The following THOC5 variants were observed in gnomAD, a reference collection of about 807,000 sequenced individuals.
THOC5 encodes the protein THO complex subunit 5.
A neutral mutation model predicts 92.9 loss-of-function variants in THOC5; 43 were observed. That is an observed-to-expected ratio of 0.46 (90% CI 0.36 to 0.60). THOC5 has a LOEUF of 0.60. Among genes scored for constraint, THOC5 ranks in the 20% least tolerant of loss-of-function variants. The probability of loss-of-function intolerance (pLI) is 0.00; values close to 1 mark genes in which losing one functional copy is unlikely to be tolerated. For synonymous variants in THOC5, 296 were observed against 320.1 expected, an observed-to-expected ratio of 0.92 and a Z score of 0.80; for missense variants, 659 against 849.4, an observed-to-expected ratio of 0.78 and a Z score of 2.79.
chr22:29,530,770 G>A (rs976821892), intron 8 of THOC5, among the ~76,000 whole-genome samples: 6 of 152,120 alleles, frequency 3.9e-5, no homozygotes, highest in African/African-American at 1.4e-4. Context: ...AGGGTCTAGC[G>A]TTGTGAGGTC....
intron 8 of THOC5, chr22:29,531,624 T>C (rs2063657367): frequency 5.4e-6 from 7 of 1,306,062 alleles, no homozygotes; most frequent in South Asian, 2.5e-5. Context: ...AGCCACCCAT[T>C]GTGAAATACC....
chr22:29,536,737 G>C lies in THOC5; in HGVS notation c.601C>G (p.Leu201Val), dbSNP rs1359083725. Residue 201 changes from leucine to valine, a missense_variant and splice_region_variant, in exon 7 of 20, where the codon CTG becomes GTG. By Grantham distance (32) the Leu-to-Val change is conservative (BLOSUM62 1). Coordinates refer to ENST00000490103, the MANE Select transcript of THOC5 (RefSeq NM_003678.5). Reference sequence around the variant, plus strand: ...AGGCACTCTCGGTACTTCTCTGCCAGCCTGTTGGGGGAGGAAAGAGCATTG... The same window carrying C: ...AGGCACTCTCGGTACTTCTCTGCCACCCTGTTGGGGGAGGAAAGAGCATTG... ...LDWELEQRKRLAEKYRECLSN... is the reference protein window; with the variant it reads ...LDWELEQRKRVAEKYRECLSN... The C allele has an allele frequency of 5.7e-6, 9 of 1,576,744 alleles. No homozygotes were observed. Among genetic ancestry groups the C allele is most frequent in the Non-Finnish European group, 7.0e-6 (8 of 1,145,858 alleles).
intron 19 of THOC5, among the ~76,000 whole-genome samples, 155 bp downstream of exon 19, chr22:29,510,948 CAGG>C (rs1325733767): frequency 6.6e-6 from 1 of 152,176 alleles, no homozygotes; most frequent in Non-Finnish European, 1.5e-5. Context: ...CTAACACCTT[CAGG>C]AGGTGTTAGT....
intron 7 of THOC5, 121 bp from the exon 8 acceptor site, chr22:29,532,084 T>A: frequency 8.3e-7 from 1 of 1,197,682 alleles, no homozygotes; most frequent in Non-Finnish European, 1.2e-6. Flanking sequence ...CTAATAGAAC[T>A]AATAGGTGGA....
intron 1 of THOC5, among the ~76,000 whole-genome samples, chr22:29,550,064 A>C (rs2064110835): frequency 6.6e-6 from 1 of 151,904 alleles, no homozygotes. Context: ...TTAGTATCCA[A>C]ACTCCTCGGT....
chr22:29,537,415 C>T lies in THOC5; in HGVS notation c.600-677G>A, dbSNP rs539849213. Among the ~76,000 whole-genome samples, 18 of 152,246 alleles carry T rather than the reference C, an allele frequency of 1.2e-4. 1 individual carries two copies. In the South Asian group the frequency reaches 2.5e-3, roughly 21 times the overall value. On this transcript the variant is annotated intron_variant, in intron 6 of 19. Coordinates refer to ENST00000490103, the MANE Select transcript of THOC5 (RefSeq NM_003678.5). Reference sequence around the variant, plus strand: ...CAGCACTTTGGGAGGCCCAGGCAGGCGGATCACCTGAGGTCAAGAGTTCGA... The same window carrying T: ...CAGCACTTTGGGAGGCCCAGGCAGGTGGATCACCTGAGGTCAAGAGTTCGA...
chr22:29,525,980 C>T (rs373251445), intron 11 of THOC5, 34 bp from the exon 12 acceptor site: 1 of 1,523,896 alleles, frequency 6.6e-7, no homozygotes. Context: ...ATTTATGAGT[C>T]AAAACACTCA....
At chr22:29,523,583 C>T (rs1395595445) in intron 12 of THOC5, among the ~76,000 whole-genome samples, 1 of 152,162 alleles carries the variant, frequency 6.6e-6, no homozygotes, top group Non-Finnish European at 1.5e-5. Context: ...CTAGGTAGAA[C>T]CTACAGAGCA....
At chr22:29,528,996 T>C (rs2063599470) in intron 9 of THOC5, 166 bp downstream of exon 9, 1 of 664,942 alleles carries the variant, frequency 1.5e-6, no homozygotes, top group Admixed American at 2.9e-5. Flanking sequence ...CCGCACCTTG[T>C]GACTCCGGGA....
intron 12 of THOC5, among the ~76,000 whole-genome samples, chr22:29,523,833 T>C (rs1007075168): frequency 6.6e-6 from 1 of 152,186 alleles, no homozygotes; most frequent in Non-Finnish European, 1.5e-5. Flanking sequence ...GAAATTAGAA[T>C]GATAGTATGA....
intron 3 of THOC5, 29 bp from the exon 4 acceptor site, chr22:29,543,571 C>T (rs745788604): frequency 1.3e-6 from 2 of 1,566,422 alleles, no homozygotes; most frequent in Non-Finnish European, 1.8e-6. Flanking sequence ...GTAAAGCCCA[C>T]TGACGACAGG....
intron 5 of THOC5, among the ~76,000 whole-genome samples, chr22:29,541,093 T>C (rs1032755488): frequency 6.6e-6 from 1 of 151,536 alleles, no homozygotes; most frequent in African/African-American, 2.4e-5. Flanking sequence ...GGCTCATGCA[T>C]GCAATCGCTT....
chr22:29,539,502 C>G (rs141825399), intron 5 of THOC5, 26 bp from the exon 6 acceptor site: 20 of 1,604,354 alleles, frequency 1.2e-5, no homozygotes, highest in Non-Finnish European at 1.7e-5. Context: ...TGACATCAAG[C>G]TGCTGTTCTC....
At chr22:29,534,801 A>T (rs2063724207) in intron 7 of THOC5, 1 of 151,694 alleles carries the variant, frequency 6.6e-6, no homozygotes, top group Admixed American at 6.6e-5. Context: ...AAAAATACAA[A>T]ACAAAAAATT....
rs2063609966 is a variant in THOC5 at position 29,529,422 on chromosome 22, T to A, written c.848-183A>T. Among the ~76,000 whole-genome samples the A allele has an allele frequency of 3.9e-5, 6 of 152,238 alleles. No individual in the cohort carries two copies. The South Asian group carries it at 1.2e-3, about 31-fold the overall frequency. The stretch of plus-strand genomic sequence containing the variant: ...CAAGGTGGGACACTTAAGCTTTTTT[T>A]TCCGTCATTTACTGAGAACAGAGAA... On this transcript the variant is annotated intron_variant, in intron 8 of 19. Transcript: ENST00000490103.
intron 6 of THOC5, among the ~76,000 whole-genome samples, chr22:29,537,562 TG>T: frequency 6.6e-6 from 1 of 150,718 alleles, no homozygotes; most frequent in South Asian, 2.1e-4. Flanking sequence ...TCGCTTAAAC[TG>T]GGGAGGCGGA....
chr22:29,524,465 G>A (rs1262274027), intron 12 of THOC5, among the ~76,000 whole-genome samples: 1 of 152,156 alleles, frequency 6.6e-6, no homozygotes, highest in East Asian at 1.9e-4. Context: ...AGCTGGAGTT[G>A]AGCATGCAAT....
At chr22:29,538,727 G>T (rs1023810513) in intron 6 of THOC5, among the ~76,000 whole-genome samples, 2 of 144,996 alleles carry the variant, frequency 1.4e-5, no homozygotes, top group African/African-American at 5.2e-5. Context: ...AGCCCAGGAG[G>T]TCAAGGCTGA....
Position 29,542,956 on chromosome 22 carries a change from C to T in THOC5, c.355G>A (p.Ala119Thr), listed in dbSNP as rs1336135448. 3.1e-6 allele frequency: 5 copies of T among 1,609,890 alleles called. No homozygotes were observed. In the Admixed American group the frequency reaches 6.7e-5, roughly 22 times the overall value. ...LKKGRDQTHE[A>T]KQKVDAYHLQ... ...TGATAGGCATCTACTTTCTGCTTAG[C>T]CTGAAAGGAAAATACGATCAGAAGT... Residue 119 changes from alanine (A) to threonine (T), a missense_variant and splice_region_variant, in exon 5 of 20, where the codon GCT (alanine) becomes ACT (threonine). By Grantham distance (58) the Ala-to-Thr change is moderately conservative (BLOSUM62 0). Coordinates refer to ENST00000490103, the MANE Select transcript of THOC5 (RefSeq NM_003678.5).
Sources: gnomAD v4.1 joint callset for allele counts (sites outside exome capture counted in the v4.1 genomes callset) on GRCh38, gnomAD v4.1.1 for gene constraint, MANE v1.5 for transcripts, NCBI Gene and HGNC (gene_info 2026-07-23, HGNC 2026-07-21) for gene names.